The following RBFOX1 variants were observed in gnomAD, a reference collection of about 807,000 sequenced individuals.
The protein encoded by RBFOX1 is RNA binding protein fox-1 homolog 1.
Under a neutral mutation model 57.7 loss-of-function variants are expected in RBFOX1, and 8 were observed. That is an observed-to-expected ratio of 0.14 (90% CI 0.08 to 0.25). The LOEUF is 0.25. Ranked by LOEUF, RBFOX1 falls within the 10% of genes least tolerant of loss-of-function variation. RBFOX1 has a pLI of 1.00. For missense variants in RBFOX1, 611 were observed against 548.5 expected, an observed-to-expected ratio of 1.11 and a Z score of -1.14; for synonymous variants, 326 against 222.4, an observed-to-expected ratio of 1.47 and a Z score of -4.15.
chr16:5,896,204 C>T (rs2058160281), intron 4 of RBFOX1, among the ~76,000 whole-genome samples: 1 of 152,146 alleles, frequency 6.6e-6, no homozygotes, highest in African/African-American at 2.4e-5. Flanking sequence ...CATCTAGAGG[C>T]AGAGAGCCAA....
chr16:6,631,306 A>G (rs2098382071), intron 2 of RBFOX1, among the ~76,000 whole-genome samples: 1 of 152,146 alleles, frequency 6.6e-6, no homozygotes, highest in Non-Finnish European at 1.5e-5. Flanking sequence ...TACGAGAGAC[A>G]GAGATGCATT....
At chr16:6,991,523 C>G (rs1211003634) in intron 3 of RBFOX1, among the ~76,000 whole-genome samples, 1 of 152,062 alleles carries the variant, frequency 6.6e-6, no homozygotes, top group Non-Finnish European at 1.5e-5. Context: ...ACCCACTTCT[C>G]AAATGTTTTT....
chr16:6,853,815 C>T (rs868230842), intron 3 of RBFOX1, among the ~76,000 whole-genome samples: 4 of 152,096 alleles, frequency 2.6e-5, no homozygotes, highest in African/African-American at 9.7e-5. Flanking sequence ...AATTTCCTCC[C>T]CAACGGATGA....
chr16:7,457,035 G>A (rs957260398), intron 4 of RBFOX1, among the ~76,000 whole-genome samples: 5 of 151,972 alleles, frequency 3.3e-5, no homozygotes, highest in Non-Finnish European at 7.4e-5. Flanking sequence ...TTGCAGGCAC[G>A]CACCACCACG....
At chr16:6,769,798 T>G (rs935649837) in intron 3 of RBFOX1, among the ~76,000 whole-genome samples, 12 of 151,746 alleles carry the variant, frequency 7.9e-5, no homozygotes, top group South Asian at 6.3e-4. Context: ...AAAGTCAGGG[T>G]TTTTTTTGCA....
At chr16:7,225,760 G>T (rs887580490) in intron 4 of RBFOX1, among the ~76,000 whole-genome samples, 7 of 96,156 alleles carry the variant, frequency 7.3e-5, no homozygotes, top group Non-Finnish European at 1.3e-4. Flanking sequence ...ATTTGGGGGT[G>T]GGGGGAGGGG....
intron 4 of RBFOX1, among the ~76,000 whole-genome samples, chr16:7,286,323 T>C (rs1179582616): frequency 6.6e-6 from 1 of 152,184 alleles, no homozygotes; most frequent in Non-Finnish European, 1.5e-5. Flanking sequence ...AAACATCATG[T>C]GGCTTTGCAG....
rs537201919 is a variant in RBFOX1, at chr16:6,639,425, C to A, written c.-63-15178C>A. ...GAACGTGTCCTGTTAGAAATTGCAT[C>A]TTTTGTGGCCAGTAGGGGTCTGTTT... On this transcript the variant is annotated intron_variant, in intron 2 of 15. Transcript: ENST00000550418. 3.9e-5 allele frequency among the ~76,000 whole-genome samples: 6 copies of A among 152,222 alleles called. No individual in the cohort carries two copies. The South Asian group carries it at 1.2e-3, about 32-fold the overall frequency.
intron 3 of RBFOX1, among the ~76,000 whole-genome samples, chr16:5,818,132 G>GAT (rs1464339202): frequency 2.0e-5 from 3 of 152,190 alleles, no homozygotes; most frequent in African/African-American, 7.2e-5. Context: ...TACTTCATTA[G>GAT]ATCATCACCA....
chr16:5,434,760 T>C lies in RBFOX1; in HGVS notation c.220-32456T>C, dbSNP rs923663264. Among the ~76,000 whole-genome samples the C allele has an allele frequency of 2.6e-5, 4 of 152,346 alleles. No individual in the cohort carries two copies. The East Asian group carries it at 7.7e-4, about 29-fold the overall frequency. ...ATTTGCAATACCTTGTCCTTTGTCT[T>C]ATCTGGCTATACCCTGACTTTGCAT... On this transcript the variant is annotated intron_variant, in intron 1 of 2. Coordinates refer to the RBFOX1 transcript ENST00000585867.
intron 4 of RBFOX1, among the ~76,000 whole-genome samples, chr16:7,081,326 C>T (rs368688552): frequency 1.2e-4 from 19 of 152,342 alleles, no homozygotes; most frequent in Admixed American, 6.5e-4. Flanking sequence ...TGAGCCACCA[C>T]GCCCGGCCCA....
At chr16:6,579,750 A>C (rs981566025) in intron 2 of RBFOX1, among the ~76,000 whole-genome samples, 1 of 151,960 alleles carries the variant, frequency 6.6e-6, no homozygotes, top group African/African-American at 2.4e-5. Context: ...ACACTTGGCT[A>C]ATTTTTCAAT....
intron 12 of RBFOX1, among the ~76,000 whole-genome samples, chr16:7,663,722 G>A (rs763411403): frequency 6.6e-6 from 1 of 152,012 alleles, no homozygotes; most frequent in Non-Finnish European, 1.5e-5. Flanking sequence ...AAGGTATCGG[G>A]GAAGATTGTA....
chr16:5,714,206 G>A (rs536890907), intron 3 of RBFOX1, among the ~76,000 whole-genome samples: 18 of 152,258 alleles, frequency 1.2e-4, no homozygotes, highest in Admixed American at 2.6e-4. Context: ...TTGCCATGAG[G>A]GCTTGTTGTG....
chr16:6,876,817 A>T (rs541357077), intron 3 of RBFOX1, among the ~76,000 whole-genome samples: 1 of 152,242 alleles, frequency 6.6e-6, no homozygotes, highest in South Asian at 2.1e-4. Flanking sequence ...GCTAAAACTG[A>T]CCGAAAGATG....
intron 4 of RBFOX1, among the ~76,000 whole-genome samples, chr16:7,205,440 C>T (rs929425912): frequency 6.6e-6 from 1 of 151,074 alleles, no homozygotes; most frequent in South Asian, 2.1e-4. Context: ...ATGGCTTGAA[C>T]CCAGGAGGTG....
chr16:6,843,641 ATCGCG>A (rs2093610332), intron 3 of RBFOX1, among the ~76,000 whole-genome samples: 1 of 152,196 alleles, frequency 6.6e-6, no homozygotes, highest in Non-Finnish European at 1.5e-5. Flanking sequence ...GTGAGCCGAC[ATCGCG>A]CCACCGCACT....
intron 3 of RBFOX1, among the ~76,000 whole-genome samples, chr16:6,942,704 T>A (rs902045923): frequency 6.6e-6 from 1 of 152,118 alleles, no homozygotes; most frequent in Admixed American, 6.5e-5. Context: ...CACTGGGGCA[T>A]CTCTTTGGAC....
rs34760329 is a variant in RBFOX1, at chr16:7,509,390, C to CTGTGTGTGTGTG, written c.28-8727_28-8716dup. On this transcript the variant is annotated intron_variant, in intron 4 of 15. Coordinates refer to ENST00000550418, the MANE Select transcript of RBFOX1 (RefSeq NM_018723.4). ...CATAATGTGTACTAGGAGCCAAGCC[C>CTGTGTGTGTGTG]TGTGTGTGTGTGTGTGTGTGTGTGT... 3.4e-4 allele frequency among the ~76,000 whole-genome samples: 50 copies of CTGTGTGTGTGTG among 145,160 alleles called. No homozygotes were observed. The East Asian group carries it at 5.1e-3, about 15-fold the overall frequency.
Sources: gnomAD v4.1 joint callset for allele counts (sites outside exome capture counted in the v4.1 genomes callset) on GRCh38, gnomAD v4.1.1 for gene constraint, MANE v1.5 for transcripts, NCBI Gene and HGNC (gene_info 2026-07-23, HGNC 2026-07-21) for gene names.